Variants in NOTCH2 observed in about 807,000 individuals in gnomAD.
The protein encoded by NOTCH2 is neurogenic locus notch homolog protein 2.
In NOTCH2, 29 loss-of-function variants were observed where a neutral mutation model predicts 235.8. That is an observed-to-expected ratio of 0.12 (90% CI 0.09 to 0.17). NOTCH2 has a LOEUF of 0.17. Among genes scored for constraint, NOTCH2 ranks in the 10% least tolerant of loss-of-function variants. The pLI is 1.00. For synonymous variants in NOTCH2, 1,086 were observed against 1,141.5 expected, an observed-to-expected ratio of 0.95 and a Z score of 0.98; for missense variants, 2,285 against 3,150.2, an observed-to-expected ratio of 0.73 and a Z score of 6.57.
intron 5 of NOTCH2, 71 bp from the exon 6 acceptor site, chr1:119,969,815 C>T (rs927090575): frequency 1.3e-5 from 17 of 1,286,490 alleles, no homozygotes; most frequent in Non-Finnish European, 1.8e-5. Flanking sequence ...CAGCCCCCCA[C>T]ACTCTTCATC....
At position 119,915,990 on chromosome 1, in the gene NOTCH2, G is replaced by C. The variant is rs2101143239; in HGVS notation, c.6732C>G (p.Leu2244=). 1.2e-6 allele frequency: 2 copies of C among 1,613,940 alleles called. No homozygotes were observed. The highest frequency in any genetic ancestry group is 2.2e-5 in the South Asian group (2 of 91,084). The change falls in exon 34 of 34, where the codon CTC becomes CTG. Residue 2244 remains leucine (L), a synonymous_variant. Coordinates refer to ENST00000256646, the MANE Select transcript of NOTCH2 (RefSeq NM_024408.4). ...GSGSAGSLSR[L]HPVPVPADWM... ...AATCTGCTGGGACTGGGACTGGATG[G>C]AGCCTACTCAAGCTTCCAGCACTGC...
intron 2 of NOTCH2, among the ~76,000 whole-genome samples, chr1:120,009,120 G>T (rs1353841377): frequency 6.6e-6 from 1 of 152,122 alleles, no homozygotes; most frequent in Non-Finnish European, 1.5e-5. Context: ...AAATGCAAAG[G>T]CCATAACACA....
At chr1:119,975,134 G>A (rs988221935) in intron 5 of NOTCH2, among the ~76,000 whole-genome samples, 21 of 152,210 alleles carry the variant, frequency 1.4e-4, no homozygotes, top group African/African-American at 4.8e-4. Flanking sequence ...TGCAGATCAA[G>A]TTAGTTTTCA....
rs143287927 is a variant in NOTCH2, at chr1:119,997,292, G to C, written c.456C>G (p.Pro152=). The C allele has an allele frequency of 6.2e-7, 1 of 1,613,930 alleles. No individual in the cohort carries two copies. The highest frequency in any genetic ancestry group is 8.5e-7 in the Non-Finnish European group (1 of 1,179,876). The part of the protein sequence containing the change: ...CQWTDACLSH[P]CANGSTCTTV... ...TGGTACAGGTACTTCCATTTGCACA[G>C]GGATGAGACAGGCAGGCATCCGTCC... Residue 152 remains proline, a synonymous_variant, in exon 4 of 34, where the codon CCC becomes CCG. Transcript: ENST00000256646.
chr1:119,997,946 C>G (rs1553204498), intron 3 of NOTCH2, among the ~76,000 whole-genome samples: 1 of 146,766 alleles, frequency 6.8e-6, no homozygotes, highest in Non-Finnish European at 1.5e-5. Context: ...TGCACTCCAG[C>G]CTGGGCGACA....
At chr1:120,013,860 T>A (rs1653310885) in intron 2 of NOTCH2, among the ~76,000 whole-genome samples, 1 of 151,440 alleles carries the variant, frequency 6.6e-6, no homozygotes, top group African/African-American at 2.4e-5. Flanking sequence ...ATGGCTAAAG[T>A]TGAATTTGGT....
Position 119,937,466 on chromosome 1 carries a change from C to G in NOTCH2, c.3338G>C (p.Gly1113Ala). The part of the protein sequence containing the change: ...VSCDIAASRR[G>A]VLVEHLCQHS... ...CTGGCACAAGTGTTCAACAAGCACACCTGGGAAACCCAGTGAGGGAGAAAT... is the reference window on the plus strand; with the variant it reads ...CTGGCACAAGTGTTCAACAAGCACAGCTGGGAAACCCAGTGAGGGAGAAAT... Residue 1113 changes from glycine (G) to alanine (A), a missense_variant and splice_region_variant, in exon 21 of 34, where the codon GGT becomes GCT. Transcript: ENST00000256646. 1 of 1,613,010 alleles carries G rather than the reference C, an allele frequency of 6.2e-7. No individual in the cohort carries two copies. The highest frequency in any genetic ancestry group is 1.3e-5 in the African/African-American group (1 of 75,034).
At chr1:119,942,835 T>C (rs1650108067) in intron 17 of NOTCH2, among the ~76,000 whole-genome samples, 1 of 152,006 alleles carries the variant, frequency 6.6e-6, no homozygotes, top group Non-Finnish European at 1.5e-5. Context: ...ACTTTTTCAC[T>C]ATTTGTAATA....
intron 5 of NOTCH2, among the ~76,000 whole-genome samples, chr1:119,973,722 A>G (rs1196839037): frequency 2.6e-5 from 4 of 152,148 alleles, no homozygotes; most frequent in African/African-American, 4.8e-5. Context: ...TTTGAGTGGG[A>G]AAAGTTCTTG....
At chr1:119,933,740 C>T (rs587673187) in intron 22 of NOTCH2, among the ~76,000 whole-genome samples, 1 of 152,246 alleles carries the variant, frequency 6.6e-6, no homozygotes, top group Non-Finnish European at 1.5e-5. Context: ...TGAAATGATC[C>T]ATTCTAGGAC....
chr1:119,918,655 A>G (rs1649168922), intron 31 of NOTCH2, 102 bp from the exon 32 acceptor site: 1 of 1,165,884 alleles, frequency 8.6e-7, no homozygotes, highest in Non-Finnish European at 1.3e-6. Flanking sequence ...TACAGTGTAG[A>G]TTCCTGGAGG....
chr1:120,046,120 C>A (rs1264469251), intron 1 of NOTCH2, among the ~76,000 whole-genome samples: 5 of 144,360 alleles, frequency 3.5e-5, no homozygotes, highest in African/African-American at 5.3e-5. Context: ...GCTTTACCCC[C>A]AGATTTCACA....
In NOTCH2 at chr1:119,967,564, T is replaced by C. The variant is rs1651190324; in HGVS notation, c.1322A>G (p.His441Arg). The C allele has an allele frequency of 6.2e-7, 1 of 1,614,092 alleles. No individual in the cohort carries two copies. Among genetic ancestry groups the C allele is most frequent in the Non-Finnish European group, 8.5e-7 (1 of 1,179,976 alleles). The change falls in exon 8 of 34, where the codon CAC becomes CGC. Residue 441 changes from histidine to arginine, a missense_variant. His to Arg is a conservative substitution (Grantham distance 29). Around this residue, in one of 6 missense-constraint regions of NOTCH2, gnomAD observed 431 missense variants for 757.8 expected, o/e 0.57. Transcript: ENST00000256646. ...TGCATAACCCTTCAGACACTCACAG[T>C]GGAAGGCGCCATCCGTGTTCACACA... ...GKCVNTDGAFHCECLKGYAGP... is the reference protein window; with the variant it reads ...GKCVNTDGAFRCECLKGYAGP...
intron 2 of NOTCH2, among the ~76,000 whole-genome samples, chr1:120,026,273 TC>T (rs1337617724): frequency 1.3e-5 from 2 of 151,270 alleles, no homozygotes; most frequent in Non-Finnish European, 2.9e-5. Flanking sequence ...ATAGTCAGAT[TC>T]CTTCTATTTT....
chr1:119,925,035 C>T (rs1159506845), intron 25 of NOTCH2, among the ~76,000 whole-genome samples: 1 of 152,166 alleles, frequency 6.6e-6, no homozygotes, highest in Non-Finnish European at 1.5e-5. Flanking sequence ...GGAAACACCA[C>T]TTCCAAAAGT....
At chr1:119,935,037 G>A in intron 22 of NOTCH2, 1 of 880,016 alleles carries the variant, frequency 1.1e-6, no homozygotes. Context: ...ATGAAAATAG[G>A]CAGATATTTT....
intron 4 of NOTCH2, chr1:119,996,785 C>G (rs782779624): frequency 4.8e-6 from 4 of 827,672 alleles, no homozygotes; most frequent in African/African-American, 1.7e-5. Context: ...AGCCACTCAT[C>G]ATCATAAACC....
chr1:120,043,100 G>A (rs1459683952), intron 1 of NOTCH2, among the ~76,000 whole-genome samples: 2 of 151,634 alleles, frequency 1.3e-5, no homozygotes, highest in African/African-American at 4.9e-5. Flanking sequence ...GAAAAGCAAG[G>A]CATCTGATAG....
At position 119,925,605 on chromosome 1, in the gene NOTCH2, G is replaced by A. The variant is rs771363584; in HGVS notation, c.4211C>T (p.Pro1404Leu). 1 of 1,614,130 alleles carries A rather than the reference G, an allele frequency of 6.2e-7. No homozygotes were observed. The highest frequency in any genetic ancestry group is 1.1e-5 in the South Asian group (1 of 91,092). The change falls in exon 25 of 34, where the codon CCA (proline) becomes CTA (leucine). Residue 1404 changes from proline (P) to leucine (L), a missense_variant. Around this residue, in one of 6 missense-constraint regions of NOTCH2, gnomAD observed 1,173 missense variants for 1,515.3 expected, o/e 0.77. Transcript: ENST00000256646. ...TTCACAGCGGCTACCCGAGAATGGT[G>A]GGGCACACTGGCAGGAGTAATAAGG... is the stretch of plus-strand genomic sequence containing the variant. ...QPPYYSCQCA[P>L]PFSGSRCELY...
Sources: gnomAD v4.1 joint callset for allele counts (sites outside exome capture counted in the v4.1 genomes callset) on GRCh38, gnomAD v4.1.1 for gene constraint, gnomAD v4.1.1 regional missense constraint, MANE v1.5 for transcripts, NCBI Gene and HGNC (gene_info 2026-07-23, HGNC 2026-07-21) for gene names.